Variants in CNTN1 observed in about 807,000 individuals in gnomAD.
CNTN1 encodes the protein contactin-1.
In CNTN1, 38 loss-of-function variants were observed where a neutral mutation model predicts 126.4. The observed-to-expected ratio is 0.30, with a 90% CI of 0.23 to 0.39. The LOEUF (loss-of-function observed/expected upper bound fraction) is 0.39. CNTN1 is among the 10% of genes least tolerant of loss of function. The pLI is 1.00. For synonymous variants in CNTN1, 413 were observed against 422.6 expected, an observed-to-expected ratio of 0.98 and a Z score of 0.28; for missense variants, 1,009 against 1,248.4, an observed-to-expected ratio of 0.81 and a Z score of 2.89.
At chr12:40,907,771 T>G (rs1359493354) in intron 1 of CNTN1, among the ~76,000 whole-genome samples, 1 of 152,168 alleles carries the variant, frequency 6.6e-6, no homozygotes, top group Non-Finnish European at 1.5e-5. Flanking sequence ...GTAAAAGGGA[T>G]GAGGAGGAAT....
intron 15 of CNTN1, among the ~76,000 whole-genome samples, chr12:40,980,612 A>G (rs1382336495): frequency 2.0e-5 from 3 of 152,214 alleles, no homozygotes; most frequent in Admixed American, 2.0e-4. Flanking sequence ...ACAATCTGTT[A>G]GGTCCCCTTG....
intron 15 of CNTN1, among the ~76,000 whole-genome samples, chr12:40,970,464 A>G (rs1947470158): frequency 6.6e-6 from 1 of 152,116 alleles, no homozygotes; most frequent in Non-Finnish European, 1.5e-5. Flanking sequence ...AGCAGTCAGC[A>G]TAGGCAAGTT....
At chr12:40,969,553 TATACTCTC>T (rs1331557483) in intron 15 of CNTN1, among the ~76,000 whole-genome samples, 2 of 152,198 alleles carry the variant, frequency 1.3e-5, no homozygotes, top group Non-Finnish European at 2.9e-5. Context: ...AACTGTACAC[TATACTCTC>T]ATAACTGATT....
chr12:40,872,206 CTT>C (rs762926320), intron 1 of CNTN1, among the ~76,000 whole-genome samples: 41 of 86,988 alleles, frequency 4.7e-4, no homozygotes, highest in African/African-American at 2.1e-3. Context: ...TTTTCCGTTG[CTT>C]TGTTTGTGTG....
intron 6 of CNTN1, among the ~76,000 whole-genome samples, chr12:40,925,624 C>CGTGT (rs1565962245): frequency 2.1e-4 from 24 of 112,700 alleles, no homozygotes; most frequent in African/African-American, 5.3e-4. Context: ...TATATATATA[C>CGTGT]ACATATATAT....
chr12:40,991,049 C>T (rs1948084392), intron 16 of CNTN1, among the ~76,000 whole-genome samples: 1 of 152,154 alleles, frequency 6.6e-6, no homozygotes, highest in Non-Finnish European at 1.5e-5. Flanking sequence ...GGGTTGCCAA[C>T]AAATTAACAT....
At chr12:40,746,605 T>A (rs1210762193) in intron 1 of CNTN1, among the ~76,000 whole-genome samples, 1 of 152,122 alleles carries the variant, frequency 6.6e-6, no homozygotes, top group Non-Finnish European at 1.5e-5. Flanking sequence ...GTTTTATATA[T>A]TGGCATACTT....
In CNTN1 at chr12:41,046,362, C is replaced by T. The variant is rs549843159; in HGVS notation, c.2980+17143C>T. Among the ~76,000 whole-genome samples, 23 of 152,174 alleles carry T rather than the reference C, an allele frequency of 1.5e-4. 1 individual carries two copies. In the South Asian group the frequency reaches 4.6e-3, roughly 30 times the overall value. ...ATATATGAATTTAGGTCACATATTA[C>T]TCTGTCACCAATAACAATCAAACAT... On this transcript the variant is annotated intron_variant, in intron 23 of 23. Transcript: ENST00000551295.
intron 1 of CNTN1, among the ~76,000 whole-genome samples, chr12:40,806,754 T>C (rs1940874075): frequency 6.6e-6 from 1 of 152,124 alleles, no homozygotes; most frequent in Non-Finnish European, 1.5e-5. Context: ...ACACATATTG[T>C]CCCTAGTGTG....
chr12:40,983,492 T>TGTGTGA (rs1384590443), intron 16 of CNTN1, among the ~76,000 whole-genome samples: 3 of 151,442 alleles, frequency 2.0e-5, no homozygotes, highest in South Asian at 2.1e-4. Flanking sequence ...TGTGTGTGTG[T>TGTGTGA]GAGTGTATGT....
At chr12:40,848,319 C>T (rs1290573110) in intron 1 of CNTN1, among the ~76,000 whole-genome samples, 1 of 152,082 alleles carries the variant, frequency 6.6e-6, no homozygotes, top group Non-Finnish European at 1.5e-5. Flanking sequence ...AGTCAAAATT[C>T]CTATAGTGTT....
intron 23 of CNTN1, among the ~76,000 whole-genome samples, chr12:41,066,106 C>T (rs280379): frequency 0.057 from 8,719 of 152,144 alleles, 580 homozygotes; most frequent in Admixed American, 0.15. Flanking sequence ...TAATAGACCT[C>T]GGAAGAATAA....
intron 6 of CNTN1, among the ~76,000 whole-genome samples, chr12:40,926,252 T>C (rs60183405): frequency 0.04 from 5,942 of 150,188 alleles, 357 homozygotes; most frequent in African/African-American, 0.14. Flanking sequence ...AGAGTAAGTA[T>C]TGAGGGGAAT....
intron 1 of CNTN1, chr12:40,827,987 G>T (rs1941672826): frequency 6.6e-6 from 1 of 152,102 alleles, no homozygotes; most frequent in South Asian, 2.1e-4. Context: ...AATATTTTCA[G>T]GCATAGAAGC....
intron 1 of CNTN1, among the ~76,000 whole-genome samples, chr12:40,760,081 C>T (rs887732126): frequency 6.6e-6 from 1 of 152,034 alleles, no homozygotes; most frequent in Non-Finnish European, 1.5e-5. Context: ...GTTCTGATTG[C>T]CTTAGTATTG....
intron 3 of CNTN1, among the ~76,000 whole-genome samples, chr12:40,910,439 G>A (rs1375417140): frequency 3.9e-5 from 6 of 152,130 alleles, no homozygotes; most frequent in Non-Finnish European, 5.9e-5. Context: ...ATTTTTGAAA[G>A]CCTCTTGCTT....
chr12:40,732,354 G>T lies in CNTN1; in HGVS notation c.-77+39762G>T, dbSNP rs555540640. Among the ~76,000 whole-genome samples, 140 of 151,754 alleles carry T rather than the reference G, an allele frequency of 9.2e-4. 1 individual carries two copies. Among genetic ancestry groups the T allele is most frequent in the Non-Finnish European group, 1.9e-3 (129 of 67,860 alleles). ...CATTCAACATTAAGAGAACATTCCC[G>T]CATAAAAGTTTGGAACAGAACTGCA... On this transcript the variant is annotated intron_variant, in intron 1 of 23. Transcript: ENST00000551295.
chr12:40,717,690 T>C (rs1340183410), intron 1 of CNTN1, among the ~76,000 whole-genome samples: 1 of 150,578 alleles, frequency 6.6e-6, no homozygotes, highest in Non-Finnish European at 1.5e-5. Context: ...TATGTAGAAA[T>C]ATAGTTTTGT....
chr12:40,906,988 C>T (rs1334829218), intron 1 of CNTN1, among the ~76,000 whole-genome samples: 2 of 152,080 alleles, frequency 1.3e-5, no homozygotes, highest in Non-Finnish European at 2.9e-5. Context: ...CATGCTCTAT[C>T]TTAATTTATG....
Sources: gnomAD v4.1 joint callset for allele counts (sites outside exome capture counted in the v4.1 genomes callset) on GRCh38, gnomAD v4.1.1 for gene constraint, MANE v1.5 for transcripts, NCBI Gene and HGNC (gene_info 2026-07-23, HGNC 2026-07-21) for gene names.